PLEKHH1: variants seen among roughly 807,000 people sequenced by gnomAD.
PLEKHH1 encodes the protein pleckstrin homology, MyTH4 and FERM domain containing H1.
A neutral mutation model predicts 160.0 loss-of-function variants in PLEKHH1; 104 were observed. That is an observed-to-expected ratio of 0.65 (90% CI 0.55 to 0.76). PLEKHH1 has a LOEUF of 0.76. Among genes scored for constraint, PLEKHH1 ranks in the 30% least tolerant of loss-of-function variants. PLEKHH1 has a pLI of 0.00. For synonymous variants in PLEKHH1, 619 were observed against 678.4 expected (o/e 0.91, Z 1.36); for missense variants, 1,427 against 1,724.1 (o/e 0.83, Z 3.05).
intron 4 of PLEKHH1, among the ~76,000 whole-genome samples, chr14:67,558,542 C>G (rs2034688574): frequency 6.6e-6 from 1 of 152,150 alleles, no homozygotes; most frequent in Non-Finnish European, 1.5e-5. Context: ...GTGGCAGCAT[C>G]TTGGGGGTTG....
At chr14:67,579,094 T>C in intron 20 of PLEKHH1, 40 bp from the exon 21 acceptor site, 1 of 1,445,530 alleles carries the variant, frequency 6.9e-7, no homozygotes, top group East Asian at 2.3e-5. Flanking sequence ...GTGGCAGAGA[T>C]GAGCAGAGCC....
chr14:67,538,761 C>A (rs1401851093), intron 1 of PLEKHH1, among the ~76,000 whole-genome samples: 1 of 152,098 alleles, frequency 6.6e-6, no homozygotes, highest in African/African-American at 2.4e-5. Flanking sequence ...GGTGGTTAAT[C>A]CTCTCCATCC....
At chr14:67,577,259 C>A in intron 17 of PLEKHH1, 43 bp from the exon 18 acceptor site, 1 of 1,266,516 alleles carries the variant, frequency 7.9e-7, no homozygotes, top group Non-Finnish European at 1.1e-6. Flanking sequence ...AGTCCCCTCT[C>A]AGTAGTAACT....
chr14:67,556,659 G>A (rs930608483), intron 3 of PLEKHH1, among the ~76,000 whole-genome samples: 8 of 152,156 alleles, frequency 5.3e-5, no homozygotes, highest in South Asian at 4.1e-4. Flanking sequence ...AGGCTGAGGC[G>A]AGAGGATCTC....
chr14:67,557,340 G>T lies in PLEKHH1; in HGVS notation c.261G>T (p.Arg87=), dbSNP rs755206931. The change falls in exon 4 of 29, where the codon CGG becomes CGT. Residue 87 remains arginine (R), a synonymous_variant. Transcript: ENST00000329153. ...KNVDSEGSLH[R]KYQELLKAIK... is the part of the protein sequence containing the mutation. ...TGGACTCTGAGGGGAGCCTGCACCG[G>T]AAATACCAAGAATTGCTGAAAGCCA... 10 of 1,613,894 alleles carry T rather than the reference G, an allele frequency of 6.2e-6. 1 individual carries two copies. In the South Asian group the frequency reaches 1.1e-4, roughly 18 times the overall value.
At chr14:67,570,222 TG>T in intron 9 of PLEKHH1, 1 of 392,766 alleles carries the variant, frequency 2.5e-6, no homozygotes, top group Non-Finnish European at 3.5e-6. Flanking sequence ...AGTATGAACG[TG>T]GACAAGGTAA....
intron 1 of PLEKHH1, among the ~76,000 whole-genome samples, chr14:67,538,117 G>GA (rs1313410323): frequency 6.6e-5 from 10 of 151,536 alleles, no homozygotes; most frequent in East Asian, 5.8e-4. Flanking sequence ...AATAAAAATA[G>GA]AAAAAAAAAT....
chr14:67,559,649 A>G lies in PLEKHH1; in HGVS notation c.381A>G (p.Lys127=). 2 of 1,606,522 alleles carry G rather than the reference A, an allele frequency of 1.2e-6. No homozygotes were observed. Among genetic ancestry groups the G allele is most frequent in the Non-Finnish European group, 1.7e-6 (2 of 1,176,610 alleles). ...RAEEAKTVQE[K]AAKIKEWVTL... is the part of the protein sequence containing the mutation. ...AGGAAGCAAAAACTGTTCAAGAAAA[A>G]GCTGCAAAGATCAAGGAATGGGTGA... Residue 127 remains lysine (K), a synonymous_variant, in exon 5 of 29, where the codon AAA becomes AAG. Coordinates refer to ENST00000329153, the MANE Select transcript of PLEKHH1 (RefSeq NM_020715.3).
chr14:67,541,835 G>A lies in PLEKHH1; in HGVS notation c.-33G>A. The stretch of plus-strand genomic sequence containing the variant: ...CTCTTTCTGCATGCTGGTTCTTAGG[G>A]CTCCCCAGAATAATCCAGAAGTCGA... On this transcript the variant is annotated splice_region_variant and 5_prime_UTR_variant, in exon 2 of 29. Transcript: ENST00000329153. 2 of 1,544,090 alleles carry A rather than the reference G, an allele frequency of 1.3e-6. No homozygotes were observed. Among genetic ancestry groups the A allele is most frequent in the Non-Finnish European group, 1.7e-6 (2 of 1,144,684 alleles).
chr14:67,553,098 C>T (rs1056140535), intron 2 of PLEKHH1, among the ~76,000 whole-genome samples: 4 of 152,200 alleles, frequency 2.6e-5, no homozygotes, highest in African/African-American at 9.6e-5. Flanking sequence ...CCTTGGTCTC[C>T]ATTTGCAAAA....
rs2035720327 is a variant in PLEKHH1 at position 67,578,269 on chromosome 14, G to A, written c.2751+70G>A. The A allele has an allele frequency of 3.6e-6, 5 of 1,379,868 alleles. No homozygotes were observed. Among genetic ancestry groups the A allele is most frequent in the South Asian group, 2.5e-5 (2 of 81,218 alleles). The allele number at this position is 1,379,868 out of a possible 1,614,324, so 85.5% of individuals were successfully genotyped here. A position where few individuals can be genotyped will look rare whatever the true frequency, so the allele number is the denominator to read the frequency against. On this transcript the variant is annotated intron_variant, in intron 19 of 28. Coordinates refer to ENST00000329153, the MANE Select transcript of PLEKHH1 (RefSeq NM_020715.3). The surrounding 1 kb of genome is among the most constrained non-coding windows in gnomAD (Gnocchi z 5.0). ...GGGCTGCCAGGTGGGAAAGGTGGGA[G>A]GAGGTGACTGGGCAGGTATACGGTG...
chr14:67,556,746 T>TATAC (rs1485432019), intron 3 of PLEKHH1, among the ~76,000 whole-genome samples: 15 of 152,326 alleles, frequency 9.8e-5, no homozygotes, highest in African/African-American at 1.2e-4. Flanking sequence ...TAAATAAATA[T>TATAC]ATACATACAT....
At chr14:67,549,627 T>C (rs2034316272) in intron 2 of PLEKHH1, among the ~76,000 whole-genome samples, 1 of 152,124 alleles carries the variant, frequency 6.6e-6, no homozygotes, top group African/African-American at 2.4e-5. Flanking sequence ...CTGCTCACCA[T>C]AGTATTTCTC....
chr14:67,588,703 A>G lies in PLEKHH1; in HGVS notation c.*1468A>G, dbSNP rs1279919142. 1 of 152,506 alleles carries G rather than the reference A, an allele frequency of 6.6e-6. No homozygotes were observed. The highest frequency in any genetic ancestry group is 1.9e-4 in the East Asian group (1 of 5,192). 9.4% of individuals were successfully genotyped at this position (152,506 alleles called of 1,614,324 possible). A position where few individuals can be genotyped will look rare whatever the true frequency, so the allele number is the denominator to read the frequency against. On this transcript the variant is annotated 3_prime_UTR_variant, in exon 29 of 29. Transcript: ENST00000329153. Reference sequence around the variant, plus strand: ...TTCCTAGCTCTAAGGCAGCCTTACTATATGTCAGTAAAGTGCTGAAAACTG... The same window carrying G: ...TTCCTAGCTCTAAGGCAGCCTTACTGTATGTCAGTAAAGTGCTGAAAACTG...
chr14:67,549,244 C>A (rs1280257946), intron 2 of PLEKHH1, among the ~76,000 whole-genome samples: 1 of 148,526 alleles, frequency 6.7e-6, no homozygotes, highest in Non-Finnish European at 1.5e-5. Flanking sequence ...GGTGTGTGTG[C>A]GTGTGTGTGT....
intron 28 of PLEKHH1, 200 bp downstream of exon 28, chr14:67,586,297 A>G: frequency 8.7e-7 from 1 of 1,143,842 alleles, no homozygotes; most frequent in Non-Finnish European, 1.3e-6. Flanking sequence ...GTAAAGGGAC[A>G]TATTTGGAGG....
At chr14:67,554,295 AGAG>A (rs1304140052) in intron 2 of PLEKHH1, among the ~76,000 whole-genome samples, 1 of 152,170 alleles carries the variant, frequency 6.6e-6, no homozygotes, top group African/African-American at 2.4e-5. Flanking sequence ...ATTGGGAAAG[AGAG>A]AAGGATTGAT....
intron 2 of PLEKHH1, among the ~76,000 whole-genome samples, chr14:67,546,843 A>G (rs1170540900): frequency 2.0e-5 from 3 of 152,194 alleles, no homozygotes; most frequent in Admixed American, 6.5e-5. Flanking sequence ...AGCCTGGGTG[A>G]CACAGCAAAA....
intron 7 of PLEKHH1, among the ~76,000 whole-genome samples, chr14:67,565,590 C>T (rs2035051711): frequency 6.6e-6 from 1 of 152,186 alleles, no homozygotes; most frequent in African/African-American, 2.4e-5. Context: ...AGCTGTACTT[C>T]CTCTTAAGGG....
Sources: allele counts gnomAD v4.1 joint callset (sites outside exome capture counted in the v4.1 genomes callset), GRCh38; gene constraint gnomAD v4.1.1; non-coding constraint Gnocchi (gnomAD v3.1); transcripts MANE v1.5; gene names NCBI Gene and HGNC (gene_info 2026-07-23, HGNC 2026-07-21).